Variants in RUNX1 observed in about 807,000 individuals in gnomAD.
RUNX1 encodes runt-related transcription factor 1.
A neutral mutation model predicts 42.8 loss-of-function variants in RUNX1; 19 were observed. The observed-to-expected ratio is 0.44, with a 90% CI of 0.31 to 0.65. The LOEUF (loss-of-function observed/expected upper bound fraction) is 0.65, where lower values mean the gene tolerates loss of function less well. RUNX1 is among the 30% of genes least tolerant of loss of function. The pLI is 0.07. For missense variants in RUNX1, 528 were observed against 672.0 expected (o/e 0.79, Z 2.37); for synonymous variants, 271 against 289.4 (o/e 0.94, Z 0.64).
chr21:34,807,847 C>A (rs2056701253), intron 7 of RUNX1, among the ~76,000 whole-genome samples: 1 of 152,238 alleles, frequency 6.6e-6, no homozygotes, highest in Non-Finnish European at 1.5e-5. Flanking sequence ...AGCATCACAT[C>A]TGTCAGAGGT....
intron 4 of RUNX1, among the ~76,000 whole-genome samples, chr21:34,882,333 A>C (rs530105180): frequency 1.1e-4 from 17 of 152,324 alleles, no homozygotes; most frequent in African/African-American, 3.8e-4. Context: ...AACACGAACT[A>C]ACTCACTATG....
At chr21:34,977,095 T>C (rs1311724493) in intron 2 of RUNX1, among the ~76,000 whole-genome samples, 2 of 152,252 alleles carry the variant, frequency 1.3e-5, no homozygotes, top group African/African-American at 2.4e-5. Flanking sequence ...TGGTTGAGCA[T>C]ATAATGTTGT....
At chr21:35,022,649 C>T (rs904628916) in intron 2 of RUNX1, among the ~76,000 whole-genome samples, 3 of 152,118 alleles carry the variant, frequency 2.0e-5, no homozygotes, top group Non-Finnish European at 2.9e-5. Flanking sequence ...AATCCCAGCA[C>T]TTTGGGAGGC....
Position 34,886,942 on chromosome 21 carries a change from G to A in RUNX1, c.252C>T (p.Asp84=), listed in dbSNP as rs2058000249. The A allele has an allele frequency of 6.2e-7, 1 of 1,612,910 alleles. No individual in the cohort carries two copies. The highest frequency in any genetic ancestry group is 1.3e-5 in the African/African-American group (1 of 75,030). Residue 84 remains aspartate, a synonymous_variant, in exon 4 of 9, where the codon GAC becomes GAT. Transcript: ENST00000675419. ...GDRSMVEVLA[D]HPGELVRTDS... is the part of the protein sequence containing the mutation. ...CGGTGCGCACCAGCTCGCCCGGGTG[G>A]TCGGCCAGCACCTCCACCATGCTGC...
chr21:35,021,284 A>G (rs763508408), intron 2 of RUNX1, among the ~76,000 whole-genome samples: 1 of 152,190 alleles, frequency 6.6e-6, no homozygotes, highest in Non-Finnish European at 1.5e-5. Flanking sequence ...TACATGAGTT[A>G]TTATCTGCAA....
At chr21:34,889,691 CG>C in intron 3 of RUNX1, 1 of 1,167,692 alleles carries the variant, frequency 8.6e-7, no homozygotes, top group Non-Finnish European at 1.1e-6. Context: ...GCTTCGCGTG[CG>C]GGCGGCCGCT....
intron 5 of RUNX1, among the ~76,000 whole-genome samples, chr21:34,877,082 C>T (rs1228732143): frequency 6.6e-6 from 1 of 152,168 alleles, no homozygotes; most frequent in African/African-American, 2.4e-5. Context: ...TGGTCTTGAA[C>T]TCCTGACCTC....
Position 34,886,762 on chromosome 21 carries a change from C to T in RUNX1, c.351+81G>A, listed in dbSNP as rs55965623. On this transcript the variant is annotated intron_variant, in intron 4 of 8. Coordinates refer to ENST00000675419, the MANE Select transcript of RUNX1 (RefSeq NM_001754.5). ...CCCCTTTCCAGAATCCGGCCCCGCC[C>T]GCCTGGCCGCTGCCCTCGCGGATCT... 2.6e-4 allele frequency: 412 copies of T among 1,602,360 alleles called. 3 individuals carry two copies. In the East Asian group the frequency reaches 6.8e-3, roughly 26 times the overall value.
At chr21:34,849,044 A>G (rs1301825115) in intron 6 of RUNX1, among the ~76,000 whole-genome samples, 1 of 151,134 alleles carries the variant, frequency 6.6e-6, no homozygotes, top group Non-Finnish European at 1.5e-5. Context: ...TCGACATTTC[A>G]GTATATGGAA....
chr21:34,892,899 A>C (rs766634061), intron 3 of RUNX1, 26 bp downstream of exon 3: 17 of 1,402,870 alleles, frequency 1.2e-5, no homozygotes, highest in South Asian at 3.5e-5. Flanking sequence ...ACTTTATTTA[A>C]AAATATAACT....
At chr21:34,934,633 G>A (rs1490631542) in intron 2 of RUNX1, among the ~76,000 whole-genome samples, 2 of 152,130 alleles carry the variant, frequency 1.3e-5, no homozygotes, top group Non-Finnish European at 2.9e-5. Context: ...TGCTTTAGGG[G>A]GCATTAAAAC....
chr21:34,828,627 G>A (rs115193740), intron 7 of RUNX1, among the ~76,000 whole-genome samples: 82 of 152,330 alleles, frequency 5.4e-4, no homozygotes, highest in African/African-American at 1.9e-3. Flanking sequence ...AAACCTGGTT[G>A]CCATCATGGC....
Position 34,874,610 on chromosome 21 carries a change from CAAAAAAAAAAA to C in RUNX1, c.508+5936_508+5946del, listed in dbSNP as rs59950735. 2.6e-3 allele frequency among the ~76,000 whole-genome samples: 65 copies of C among 25,302 alleles called. No individual in the cohort carries two copies. In the East Asian group the frequency reaches 0.073, roughly 28 times the overall value. 16.6% of individuals were successfully genotyped at this position (25,302 alleles called of 152,430 possible). A position where few individuals can be genotyped will look rare whatever the true frequency, so the allele number is the denominator to read the frequency against. On this transcript the variant is annotated intron_variant, in intron 5 of 8. Coordinates refer to ENST00000675419, the MANE Select transcript of RUNX1 (RefSeq NM_001754.5). ...AGGCAACAAGAGGGAAACTCTGTCT[CAAAAAAAAAAA>C]AAAAAAAAAAAAAAGACAGTACACC...
At chr21:35,015,004 G>T (rs2059149916) in intron 2 of RUNX1, among the ~76,000 whole-genome samples, 1 of 152,248 alleles carries the variant, frequency 6.6e-6, no homozygotes. Context: ...GAGGAAACAA[G>T]GAAGGGAGTG....
In RUNX1 at chr21:34,848,514, A is replaced by T. The variant is rs1462033926; in HGVS notation, c.613+10960T>A. On this transcript the variant is annotated intron_variant, in intron 6 of 8. Transcript: ENST00000675419. ...CAGTGGAGCAATCTCGGCTCACAGCAACCTCTGCCTCTCGAGTTCAAGTGA... is the reference window on the plus strand; with the variant it reads ...CAGTGGAGCAATCTCGGCTCACAGCTACCTCTGCCTCTCGAGTTCAAGTGA... Among the ~76,000 whole-genome samples the T allele has an allele frequency of 2.8e-4, 42 of 152,218 alleles. 1 individual carries two copies. Among genetic ancestry groups the T allele is most frequent in the Non-Finnish European group, 1.5e-5 (1 of 68,042 alleles).
At chr21:34,817,822 G>A (rs1268138900) in intron 7 of RUNX1, among the ~76,000 whole-genome samples, 2 of 152,128 alleles carry the variant, frequency 1.3e-5, no homozygotes, top group African/African-American at 4.8e-5. Context: ...ATCCTTCAGA[G>A]CGATCATCAC....
chr21:34,905,226 T>G (rs1345054695), intron 2 of RUNX1, among the ~76,000 whole-genome samples: 2 of 152,194 alleles, frequency 1.3e-5, no homozygotes, highest in African/African-American at 4.8e-5. Flanking sequence ...TGAAATGAAG[T>G]GCAAGATGTA....
At chr21:34,961,526 T>G (rs2058681976) in intron 2 of RUNX1, among the ~76,000 whole-genome samples, 1 of 152,204 alleles carries the variant, frequency 6.6e-6, no homozygotes, top group Non-Finnish European at 1.5e-5. Context: ...ATTTAGTGAT[T>G]CTGATCATCT....
intron 2 of RUNX1, among the ~76,000 whole-genome samples, 180 bp downstream of exon 2, chr21:35,048,662 T>C (rs1024113227): frequency 6.6e-6 from 1 of 152,238 alleles, no homozygotes; most frequent in Admixed American, 6.5e-5. Flanking sequence ...AGAGCTTCCA[T>C]CTGATTAGTA....
Sources: gnomAD v4.1 joint callset for allele counts (sites outside exome capture counted in the v4.1 genomes callset) on GRCh38, gnomAD v4.1.1 for gene constraint, MANE v1.5 for transcripts, NCBI Gene and HGNC (gene_info 2026-07-23, HGNC 2026-07-21) for gene names.